ARMC9: variants seen among roughly 807,000 people sequenced by gnomAD.
The protein encoded by ARMC9 is lisH domain-containing protein ARMC9.
In ARMC9, 94 loss-of-function variants were observed where a neutral mutation model predicts 107.0. The observed-to-expected ratio is 0.88, with a 90% CI of 0.74 to 1.04. The LOEUF (loss-of-function observed/expected upper bound fraction) is 1.04, where lower values mean the gene tolerates loss of function less well. ARMC9 is among the 50% of genes least tolerant of loss of function. The probability of loss-of-function intolerance (pLI) is 0.00; values close to 1 mark genes in which losing one functional copy is unlikely to be tolerated. For missense variants in ARMC9, 942 were observed against 1,030.1 expected, an observed-to-expected ratio of 0.91 and a Z score of 1.17; for synonymous variants, 380 against 396.9, an observed-to-expected ratio of 0.96 and a Z score of 0.51.
intron 19 of ARMC9, among the ~76,000 whole-genome samples, chr2:231,313,098 A>T (rs1168337447): frequency 6.6e-6 from 1 of 152,168 alleles, no homozygotes; most frequent in African/African-American, 2.4e-5. Flanking sequence ...CTAAATTGTG[A>T]ATTTGCCTAT....
Position 231,214,833 on chromosome 2 carries a change from G to A in ARMC9, c.180G>A (p.Lys60=), listed in dbSNP as rs2033317707. Residue 60 remains lysine, a splice_region_variant and synonymous_variant, in exon 4 of 25, where the codon AAG becomes AAA. Transcript: ENST00000611582. ...FRDSKSLTIQ[K]DLVAAFDNGD... is the part of the protein sequence containing the mutation. ...GTAGTCTGATGTCTTCTCCACAGAAGGATCTTGTCGCTGCATTTGACAACG... is the reference window on the plus strand; with the variant it reads ...GTAGTCTGATGTCTTCTCCACAGAAAGATCTTGTCGCTGCATTTGACAACG... The A allele has an allele frequency of 6.2e-7, 1 of 1,613,914 alleles. No individual in the cohort carries two copies. The highest frequency in any genetic ancestry group is 8.5e-7 in the Non-Finnish European group (1 of 1,179,872).
intron 19 of ARMC9, among the ~76,000 whole-genome samples, chr2:231,299,766 G>C (rs866187726): frequency 5.3e-5 from 8 of 152,036 alleles, no homozygotes; most frequent in African/African-American, 1.9e-4. Flanking sequence ...CTACAGGATG[G>C]CATTGAAAAT....
chr2:231,286,315 C>A (rs954632917), intron 17 of ARMC9, among the ~76,000 whole-genome samples: 1 of 152,130 alleles, frequency 6.6e-6, no homozygotes, highest in African/African-American at 2.4e-5. Flanking sequence ...GGGGTTTCAC[C>A]GTGTTGGCCA....
rs187124194 is a variant in ARMC9 at position 231,332,560 on chromosome 2, G to A, written c.1878+663G>A. Reference sequence around the variant, plus strand: ...CTTAAGCTGACCTGTGAGAGCTCCCGTTGGCTCGGATGCTCAGCCAGCTCC... The same window carrying A: ...CTTAAGCTGACCTGTGAGAGCTCCCATTGGCTCGGATGCTCAGCCAGCTCC... On this transcript the variant is annotated intron_variant, in intron 20 of 24. Transcript: ENST00000611582. Among the ~76,000 whole-genome samples the A allele has an allele frequency of 6.6e-3, 1,008 of 152,310 alleles. 10 individuals carry two copies. The highest frequency in any genetic ancestry group is 0.022 in the Admixed American group (334 of 15,294).
chr2:231,335,393 C>T (rs143065961), intron 20 of ARMC9, among the ~76,000 whole-genome samples: 99 of 152,286 alleles, frequency 6.5e-4, no homozygotes, highest in East Asian at 2.9e-3. Context: ...CTGGGGCGTC[C>T]GCCAGAGTGT....
At chr2:231,211,136 A>G (rs908593955) in intron 3 of ARMC9, among the ~76,000 whole-genome samples, 9 of 135,156 alleles carry the variant, frequency 6.7e-5, no homozygotes, top group Non-Finnish European at 1.4e-4. Context: ...TCACAAACAC[A>G]TACACACACA....
Position 231,282,103 on chromosome 2 carries a change from TC to T in ARMC9, c.1598del (p.Pro533HisfsTer27). On this transcript the variant is annotated frameshift_variant, in exon 17 of 25. Transcript: ENST00000611582. LOFTEE classifies it high-confidence loss of function. ...NGALYSILSV[P>X]SIREEARAMG... ...GAGCTCTGTACAGCATCCTTTCTGT[TC>T]CATCCATTCGTGAGGAAGCAAGAGC... 1 of 1,614,166 alleles carries T rather than the reference TC, an allele frequency of 6.2e-7. No homozygotes were observed. Among genetic ancestry groups the T allele is most frequent in the Non-Finnish European group, 8.5e-7 (1 of 1,179,998 alleles).
Position 231,347,449 on chromosome 2 carries a change from A to T in ARMC9, c.1994+2359A>T, listed in dbSNP as rs557525328. Among the ~76,000 whole-genome samples the T allele has an allele frequency of 5.9e-5, 9 of 151,960 alleles. No homozygotes were observed. The South Asian group carries it at 1.2e-3, about 21-fold the overall frequency. On this transcript the variant is annotated intron_variant, in intron 21 of 24. Transcript: ENST00000611582. ...ATGGAATGCAGTGGGCACTCTCCCC[A>T]GCTACACTGGGTACTCCAGACGGGC...
At chr2:231,368,990 A>G (rs12468313) in intron 23 of ARMC9, among the ~76,000 whole-genome samples, 22,072 of 152,266 alleles carry the variant, frequency 0.14, 2,056 homozygotes, top group East Asian at 0.27. Context: ...AAATCAAACC[A>G]AAAGAATCCC....
intron 9 of ARMC9, among the ~76,000 whole-genome samples, chr2:231,254,732 C>T (rs541819577): frequency 6.6e-6 from 1 of 151,774 alleles, no homozygotes; most frequent in East Asian, 1.9e-4. Context: ...AGATTTTTAA[C>T]AAGGCTTCTG....
At chr2:231,323,244 G>T (rs1051933525) in intron 19 of ARMC9, among the ~76,000 whole-genome samples, 1 of 152,002 alleles carries the variant, frequency 6.6e-6, no homozygotes, top group Non-Finnish European at 1.5e-5. Context: ...CTCCCAGCTG[G>T]AAGGCCTGAG....
intron 12 of ARMC9, among the ~76,000 whole-genome samples, chr2:231,263,550 G>A (rs2038581739): frequency 6.6e-6 from 1 of 152,178 alleles, no homozygotes; most frequent in African/African-American, 2.4e-5. Context: ...CCTCTTAAAG[G>A]TCCCACCTCC....
chr2:231,225,079 T>C (rs77787138), intron 6 of ARMC9, among the ~76,000 whole-genome samples: 2,431 of 152,362 alleles, frequency 0.016, 35 homozygotes, highest in Non-Finnish European at 0.018. Context: ...AAATAACTTT[T>C]TACTTCCTGA....
chr2:231,257,350 C>T (rs559489760), intron 10 of ARMC9, among the ~76,000 whole-genome samples: 7 of 152,290 alleles, frequency 4.6e-5, no homozygotes, highest in African/African-American at 1.4e-4. Flanking sequence ...GTCCCCCTTA[C>T]GAGTGTCTGA....
chr2:231,290,954 T>G (rs2040947329), intron 17 of ARMC9, among the ~76,000 whole-genome samples: 1 of 148,362 alleles, frequency 6.7e-6, no homozygotes, highest in African/African-American at 2.5e-5. Context: ...ACAATAGTTT[T>G]TTTTTTTTTT....
intron 9 of ARMC9, among the ~76,000 whole-genome samples, chr2:231,247,185 G>C (rs2036851570): frequency 6.6e-6 from 1 of 152,204 alleles, no homozygotes; most frequent in Non-Finnish European, 1.5e-5. Context: ...TCGATCTCTT[G>C]ACCTCGTGAT....
intron 12 of ARMC9, among the ~76,000 whole-genome samples, chr2:231,265,947 G>A (rs190087303): frequency 6.6e-6 from 1 of 151,376 alleles, no homozygotes; most frequent in Non-Finnish European, 1.5e-5. Flanking sequence ...GCAGTAAGCT[G>A]AGATTGCGCC....
rs1169551251 is a variant in ARMC9, at chr2:231,331,781, C to A, written c.1774-12C>A. ...GGTGTCCATGGCATTCACCCCATGTCTCCTGAAACAGGAGGACCATGACAT... is the reference window on the plus strand; with the variant it reads ...GGTGTCCATGGCATTCACCCCATGTATCCTGAAACAGGAGGACCATGACAT... On this transcript the variant is annotated splice_polypyrimidine_tract_variant and intron_variant, in intron 19 of 24. Transcript: ENST00000611582. 11 of 1,612,326 alleles carry A rather than the reference C, an allele frequency of 6.8e-6. No homozygotes were observed. Among genetic ancestry groups the A allele is most frequent in the Non-Finnish European group, 9.3e-6 (11 of 1,178,564 alleles).
intron 21 of ARMC9, among the ~76,000 whole-genome samples, chr2:231,345,632 C>T (rs967414988): frequency 6.6e-6 from 1 of 152,136 alleles, no homozygotes; most frequent in African/African-American, 2.4e-5. Flanking sequence ...GGGCCTAGAC[C>T]CCTTGTGGGC....
Sources: allele counts gnomAD v4.1 joint callset (sites outside exome capture counted in the v4.1 genomes callset), GRCh38; gene constraint gnomAD v4.1.1; transcripts MANE v1.5; gene names NCBI Gene and HGNC (gene_info 2026-07-23, HGNC 2026-07-21).